MAP1B: variants seen among roughly 807,000 people sequenced by gnomAD.
MAP1B encodes the protein microtubule-associated protein 1B.
In MAP1B, 12 loss-of-function variants were observed where a neutral mutation model predicts 176.1. That is an observed-to-expected ratio of 0.07 (90% CI 0.04 to 0.11). The LOEUF (loss-of-function observed/expected upper bound fraction) is 0.11. Ranked by LOEUF, MAP1B falls within the 10% of genes least tolerant of loss-of-function variation. MAP1B has a pLI of 1.00. For missense variants in MAP1B, 2,523 were observed against 2,990.5 expected, an observed-to-expected ratio of 0.84 and a Z score of 3.65; for synonymous variants, 1,044 against 1,135.0, an observed-to-expected ratio of 0.92 and a Z score of 1.61.
intron 2 of MAP1B, among the ~76,000 whole-genome samples, chr5:72,134,981 G>GT (rs1745810744): frequency 1.3e-5 from 2 of 150,470 alleles, no homozygotes; most frequent in Admixed American, 6.7e-5. Context: ...CAGGAGCGAG[G>GT]TGGAATCCTG....
intron 2 of MAP1B, among the ~76,000 whole-genome samples, chr5:72,142,100 C>A (rs933356092): frequency 2.6e-5 from 4 of 152,206 alleles, no homozygotes; most frequent in Admixed American, 2.0e-4. Context: ...GCAAAAGAGA[C>A]CTGTGGAACC....
intron 2 of MAP1B, among the ~76,000 whole-genome samples, chr5:72,145,073 C>A: frequency 6.6e-6 from 1 of 152,198 alleles, no homozygotes; most frequent in East Asian, 1.9e-4. Context: ...CTGTCTGGGA[C>A]AAATTCCCTT....
intron 2 of MAP1B, among the ~76,000 whole-genome samples, chr5:72,119,945 G>T (rs1305260691): frequency 6.6e-6 from 1 of 152,160 alleles, no homozygotes; most frequent in African/African-American, 2.4e-5. Context: ...GACCACAAAA[G>T]CAAAGCTAGG....
intron 2 of MAP1B, among the ~76,000 whole-genome samples, chr5:72,127,638 A>C (rs1023137321): frequency 6.6e-6 from 1 of 152,204 alleles, no homozygotes; most frequent in Non-Finnish European, 1.5e-5. Flanking sequence ...CCTAGGTGTG[A>C]TATTATGTGT....
At chr5:72,162,707 G>A (rs949319631) in intron 2 of MAP1B, among the ~76,000 whole-genome samples, 1 of 152,076 alleles carries the variant, frequency 6.6e-6, no homozygotes, top group Non-Finnish European at 1.5e-5. Flanking sequence ...CAACATAGTA[G>A]GGACTTGGTA....
intron 2 of MAP1B, among the ~76,000 whole-genome samples, chr5:72,172,835 G>T (rs1746571979): frequency 6.6e-6 from 1 of 152,200 alleles, no homozygotes; most frequent in Admixed American, 6.5e-5. Flanking sequence ...TTCTGGCCAA[G>T]CCTAGCGCCA....
At chr5:72,126,514 A>G (rs1745633375) in intron 2 of MAP1B, among the ~76,000 whole-genome samples, 1 of 152,186 alleles carries the variant, frequency 6.6e-6, no homozygotes, top group Non-Finnish European at 1.5e-5. Context: ...AGTCACTTCT[A>G]TCACCACTCT....
intron 2 of MAP1B, among the ~76,000 whole-genome samples, chr5:72,121,238 C>T (rs1035991284): frequency 1.5e-4 from 23 of 152,344 alleles, no homozygotes; most frequent in South Asian, 4.1e-4. Context: ...ACTCCCTCCA[C>T]GCCGTTCTAC....
intron 3 of MAP1B, among the ~76,000 whole-genome samples, chr5:72,185,788 TG>T (rs1245116497): frequency 6.6e-6 from 1 of 152,146 alleles, no homozygotes; most frequent in Non-Finnish European, 1.5e-5. Flanking sequence ...GTGGGGTTCT[TG>T]GGTAAGGGGT....
At chr5:72,138,886 A>C (rs1745887575) in intron 2 of MAP1B, among the ~76,000 whole-genome samples, 1 of 152,192 alleles carries the variant, frequency 6.6e-6, no homozygotes. Flanking sequence ...AGGTTATTTT[A>C]ATTTTCTTCC....
In MAP1B at chr5:72,194,476, T is replaced by C. The variant is rs1246667402; in HGVS notation, c.1121T>C (p.Met374Thr). The change falls in exon 5 of 7, where the codon ATG becomes ACG. Residue 374 changes from methionine (M) to threonine (T), a missense_variant. By Grantham distance (81) the Met-to-Thr change is moderately conservative. Transcript: ENST00000296755. The surrounding 1 kb of genome is among the most constrained non-coding windows in gnomAD (Gnocchi z 7.2). ...AAAAATCCAGAGCCAAACATCAAGATGAAGAGAAGCATAGAAGAAGCCTGC... is the reference window on the plus strand; with the variant it reads ...AAAAATCCAGAGCCAAACATCAAGACGAAGAGAAGCATAGAAGAAGCCTGC... The part of the protein sequence containing the change: ...NLKNPEPNIK[M>T]KRSIEEACFT... 1.9e-6 allele frequency: 3 copies of C among 1,614,040 alleles called. No individual in the cohort carries two copies. Among genetic ancestry groups the C allele is most frequent in the Admixed American group, 3.3e-5 (2 of 59,996 alleles).
chr5:72,146,185 C>T (rs1205427162), intron 2 of MAP1B, among the ~76,000 whole-genome samples: 1 of 152,150 alleles, frequency 6.6e-6, no homozygotes. Flanking sequence ...CAATTTATTC[C>T]AGCCCAGCAT....
At position 72,186,806 on chromosome 5, in the gene MAP1B, G is replaced by A; in HGVS notation, c.510+52G>A. On this transcript the variant is annotated intron_variant, in intron 4 of 6. Transcript: ENST00000296755. The surrounding 1 kb of genome is among the most constrained non-coding windows in gnomAD (Gnocchi z 4.3). The stretch of plus-strand genomic sequence containing the variant: ...GCTTCTAGTGGCTTGGTTGCCTTAG[G>A]TTCCTCTTTGAGAGCACTGGGGGAG... 6.2e-7 allele frequency: 1 copy of A among 1,605,882 alleles called. No homozygotes were observed. Among genetic ancestry groups the A allele is most frequent in the Non-Finnish European group, 8.5e-7 (1 of 1,176,494 alleles).
chr5:72,180,242 G>A (rs1423938774), intron 2 of MAP1B, among the ~76,000 whole-genome samples: 1 of 152,218 alleles, frequency 6.6e-6, no homozygotes, highest in Non-Finnish European at 1.5e-5. Context: ...GATTCCTGCA[G>A]AATACAGACG....
At chr5:72,167,302 A>T (rs1044605156) in intron 2 of MAP1B, among the ~76,000 whole-genome samples, 1 of 152,234 alleles carries the variant, frequency 6.6e-6, no homozygotes, top group Non-Finnish European at 1.5e-5. Context: ...TTAAAACAAG[A>T]AGCAAAAATT....
Position 72,205,402 on chromosome 5 carries a change from G to T in MAP1B, c.*163G>T. The stretch of plus-strand genomic sequence containing the variant: ...GTGATGCAAGTCACTAAATTTCTCA[G>T]TTTTTGCTGATTGCTAAGGGAAATA... On this transcript the variant is annotated 3_prime_UTR_variant, in exon 7 of 7. Coordinates refer to ENST00000296755, the MANE Select transcript of MAP1B (RefSeq NM_005909.5). 1 of 676,946 alleles carries T rather than the reference G, an allele frequency of 1.5e-6. No individual in the cohort carries two copies. Among genetic ancestry groups the T allele is most frequent in the South Asian group, 2.3e-5 (1 of 44,044 alleles). 41.9% of individuals were successfully genotyped at this position (676,946 alleles called of 1,614,324 possible).
In MAP1B at chr5:72,196,668, A is replaced by T. The variant is rs144141123; in HGVS notation, c.3313A>T (p.Asn1105Tyr). The T allele has an allele frequency of 2.1e-5, 34 of 1,613,950 alleles. No homozygotes were observed. Among genetic ancestry groups the T allele is most frequent in the African/African-American group, 4.0e-5 (3 of 74,880 alleles). ...CGAGGCCACCGCTTCTGATGAGGAG[A>T]ATCGAGAAGACCAGCCTGAGGAATT... ...ESEATASDEENREDQPEEFTA... is the reference protein window; with the variant it reads ...ESEATASDEEYREDQPEEFTA... Residue 1105 changes from asparagine to tyrosine, a missense_variant, in exon 5 of 7, where the codon AAT (asparagine) becomes TAT (tyrosine). Asn to Tyr is a moderately radical substitution (Grantham distance 143, BLOSUM62 -2). Coordinates refer to ENST00000296755, the MANE Select transcript of MAP1B (RefSeq NM_005909.5). The surrounding 1 kb of genome is among the most constrained non-coding windows in gnomAD (Gnocchi z 5.3).
intron 2 of MAP1B, among the ~76,000 whole-genome samples, chr5:72,138,662 C>G (rs944002255): frequency 6.6e-6 from 1 of 152,180 alleles, no homozygotes; most frequent in Non-Finnish European, 1.5e-5. Context: ...AATGATTAAT[C>G]AATAGAATTC....
rs748345763 is a variant in MAP1B, at chr5:72,195,771, G to A, written c.2416G>A (p.Ala806Thr). The A allele has an allele frequency of 2.5e-6, 4 of 1,614,276 alleles. No homozygotes were observed. Among genetic ancestry groups the A allele is most frequent in the Non-Finnish European group, 3.4e-6 (4 of 1,180,056 alleles). Reference sequence around the variant, plus strand: ...AGCTGTCGGCACTGGAGCCACCACAGCAGCTGTCATGGCGGCAGCTGGAAT... The same window carrying A: ...AGCTGTCGGCACTGGAGCCACCACAACAGCTGTCATGGCGGCAGCTGGAAT... ...AAAVGTGATTAAVMAAAGIAA... is the reference protein window; with the variant it reads ...AAAVGTGATTTAVMAAAGIAA... The change falls in exon 5 of 7, where the codon GCA (alanine) becomes ACA (threonine). Residue 806 changes from alanine (A) to threonine (T), a missense_variant. Physicochemically the swap from Ala to Thr is moderately conservative, Grantham distance 58. Transcript: ENST00000296755.
Sources: allele counts gnomAD v4.1 joint callset (sites outside exome capture counted in the v4.1 genomes callset), GRCh38; gene constraint gnomAD v4.1.1; non-coding constraint Gnocchi (gnomAD v3.1); transcripts MANE v1.5; gene names NCBI Gene and HGNC (gene_info 2026-07-23, HGNC 2026-07-21).